Variants in AGMO observed in about 807,000 individuals in gnomAD.
The protein encoded by AGMO is alkylglycerol monooxygenase, also known as glyceryl-ether monooxygenase.
AGMO carries 75 observed loss-of-function variants against 60.2 expected under a neutral mutation model. That is an observed-to-expected ratio of 1.25 (90% CI 1.03 to 1.51). The LOEUF (loss-of-function observed/expected upper bound fraction) is 1.51. Ranked by LOEUF, AGMO falls within the 40% of genes most tolerant of loss-of-function variation. The pLI, the probability that AGMO is intolerant of heterozygous loss-of-function variation, is 0.00. For synonymous variants in AGMO, 261 were observed against 177.1 expected (o/e 1.47, Z -3.76); for missense variants, 763 against 525.5 (o/e 1.45, Z -4.42).
At chr7:15,530,485 T>C (rs369981942) in intron 3 of AGMO, among the ~76,000 whole-genome samples, 24 of 83,786 alleles carry the variant, frequency 2.9e-4, no homozygotes, top group African/African-American at 1.1e-3. Context: ...TACGTATTTC[T>C]ATATATATTC....
At chr7:15,355,654 C>T (rs534553231) in intron 12 of AGMO, among the ~76,000 whole-genome samples, 60 of 152,044 alleles carry the variant, frequency 3.9e-4, no homozygotes, top group African/African-American at 1.4e-3. Flanking sequence ...GGAATTGTAG[C>T]TGGATATATC....
chr7:15,534,520 T>C (rs954647566), intron 3 of AGMO, among the ~76,000 whole-genome samples: 1 of 152,002 alleles, frequency 6.6e-6, no homozygotes, highest in Non-Finnish European at 1.5e-5. Context: ...TAGTATCATG[T>C]CTAACTTCAG....
chr7:15,390,951 G>T, intron 6 of AGMO, 46 bp from the exon 7 acceptor site: 1 of 1,213,280 alleles, frequency 8.2e-7, no homozygotes. Context: ...AAATAGTTAT[G>T]CTTTTTGAGA....
chr7:15,447,648 T>C (rs1416549575), intron 3 of AGMO, among the ~76,000 whole-genome samples: 2 of 152,114 alleles, frequency 1.3e-5, no homozygotes, highest in South Asian at 2.1e-4. Context: ...CCTCCCAGGT[T>C]CAAGTGATTC....
chr7:15,315,133 G>T (rs1230223473), intron 12 of AGMO, among the ~76,000 whole-genome samples: 1 of 151,982 alleles, frequency 6.6e-6, no homozygotes, highest in African/African-American at 2.4e-5. Flanking sequence ...CTGGAGCAGA[G>T]ACCAGATTAG....
intron 3 of AGMO, among the ~76,000 whole-genome samples, chr7:15,439,227 T>A (rs564638178): frequency 6.6e-6 from 1 of 152,182 alleles, no homozygotes; most frequent in African/African-American, 2.4e-5. Context: ...TGAAACCCCA[T>A]CTCTACTAAA....
chr7:15,325,620 G>A (rs1318233792), intron 12 of AGMO, among the ~76,000 whole-genome samples: 1 of 152,048 alleles, frequency 6.6e-6, no homozygotes, highest in Non-Finnish European at 1.5e-5. Context: ...AAGGAAAATG[G>A]TTGAAACAGA....
chr7:15,510,814 T>C (rs112730700), intron 3 of AGMO, among the ~76,000 whole-genome samples: 6 of 148,150 alleles, frequency 4.0e-5, no homozygotes, highest in Non-Finnish European at 8.9e-5. Flanking sequence ...TAAGGAAACA[T>C]TTTATTACAG....
chr7:15,258,637 C>G (rs1483902026), intron 12 of AGMO, among the ~76,000 whole-genome samples: 1 of 152,146 alleles, frequency 6.6e-6, no homozygotes, highest in African/African-American at 2.4e-5. Context: ...GTGCACTAAA[C>G]AAAAACACAA....
Position 15,390,888 on chromosome 7 carries a change from T to C in AGMO, c.694A>G (p.Ile232Val), listed in dbSNP as rs1369186003. 1 of 1,601,744 alleles carries C rather than the reference T, an allele frequency of 6.2e-7. No individual in the cohort carries two copies. The highest frequency in any genetic ancestry group is 8.5e-7 in the Non-Finnish European group (1 of 1,173,468). The change falls in exon 7 of 13, where the codon ATA (isoleucine) becomes GTA (valine). Residue 232 changes from isoleucine (I) to valine (V), a missense_variant. Coordinates refer to ENST00000342526, the MANE Select transcript of AGMO (RefSeq NM_001004320.2). Reference sequence around the variant, plus strand: ...AGAACACCAGCATAATTTTTGTCTATGCAATAACGATTTCTGCCTATGAGA... The same window carrying C: ...AGAACACCAGCATAATTTTTGTCTACGCAATAACGATTTCTGCCTATGAGA... ...RVHHGRNRYC[I>V]DKNYAGVLII...
chr7:15,349,939 G>A (rs1032836360), intron 12 of AGMO, among the ~76,000 whole-genome samples: 2 of 152,108 alleles, frequency 1.3e-5, no homozygotes, highest in Non-Finnish European at 2.9e-5. Context: ...TAAAATTCAG[G>A]ATGAGACTTG....
At chr7:15,497,328 T>C (rs1463694691) in intron 3 of AGMO, among the ~76,000 whole-genome samples, 1 of 152,162 alleles carries the variant, frequency 6.6e-6, no homozygotes, top group Admixed American at 6.6e-5. Context: ...CTACAACCAC[T>C]TGTTTGTATT....
At chr7:15,480,264 T>A (rs111241480) in intron 3 of AGMO, among the ~76,000 whole-genome samples, 4 of 152,134 alleles carry the variant, frequency 2.6e-5, no homozygotes, top group Non-Finnish European at 5.9e-5. Flanking sequence ...GAAGAAACTT[T>A]GGGTTTATCA....
intron 3 of AGMO, among the ~76,000 whole-genome samples, chr7:15,497,545 G>A (rs1783264944): frequency 6.6e-6 from 1 of 151,990 alleles, no homozygotes; most frequent in Non-Finnish European, 1.5e-5. Context: ...TCCCATAACA[G>A]CAACCCCTCA....
chr7:15,379,654 A>T, intron 10 of AGMO, among the ~76,000 whole-genome samples: 1 of 152,158 alleles, frequency 6.6e-6, no homozygotes, highest in Admixed American at 6.5e-5. Flanking sequence ...ACAGATTCAC[A>T]GCTGAATTCT....
chr7:15,435,159 A>G (rs1318087690), intron 3 of AGMO, among the ~76,000 whole-genome samples: 2 of 152,122 alleles, frequency 1.3e-5, no homozygotes, highest in Non-Finnish European at 2.9e-5. Context: ...TTGACAGATA[A>G]AAGTTCTATC....
At chr7:15,280,211 A>T (rs1783923546) in intron 12 of AGMO, among the ~76,000 whole-genome samples, 1 of 152,108 alleles carries the variant, frequency 6.6e-6, no homozygotes, top group African/African-American at 2.4e-5. Flanking sequence ...GTCAGATTTT[A>T]GTTCTGAGCA....
At chr7:15,184,324 A>C in the AGMO span, among the ~76,000 whole-genome samples, 1 of 109,702 alleles carries the variant, frequency 9.1e-6, no homozygotes, top group Admixed American at 9.4e-5. Context: ...GGAAGGAGGG[A>C]AGGAGGAAGG....
At chr7:15,276,110 G>T (rs1254842411) in intron 12 of AGMO, among the ~76,000 whole-genome samples, 1 of 152,120 alleles carries the variant, frequency 6.6e-6, no homozygotes, top group Non-Finnish European at 1.5e-5. Context: ...CTGTGTAATT[G>T]CTCTATAGGA....
Sources: allele counts gnomAD v4.1 joint callset (sites outside exome capture counted in the v4.1 genomes callset), GRCh38; gene constraint gnomAD v4.1.1; transcripts MANE v1.5; gene names NCBI Gene and HGNC (gene_info 2026-07-23, HGNC 2026-07-21).